TMEM74: variants seen among roughly 807,000 people sequenced by gnomAD.
TMEM74 encodes transmembrane protein 74.
Under a neutral mutation model 18.1 loss-of-function variants are expected in TMEM74, and 13 were observed. The observed-to-expected ratio is 0.72, with a 90% confidence interval of 0.47 to 1.14. The LOEUF (loss-of-function observed/expected upper bound fraction) is 1.14. Among genes scored for constraint, TMEM74 ranks in the 50% most tolerant of loss-of-function variants. The pLI is 0.00. For missense variants in TMEM74, 372 were observed against 375.9 expected (o/e 0.99, Z 0.09); for synonymous variants, 159 against 146.6 (o/e 1.08, Z -0.61).
Position 108,687,846 on chromosome 8 carries a change from C to T in TMEM74, n.120-32409G>A, listed in dbSNP as rs965639632. Among the ~76,000 whole-genome samples, 6 of 151,688 alleles carry T rather than the reference C, an allele frequency of 4.0e-5. 1 individual carries two copies. The highest frequency in any genetic ancestry group is 7.4e-5 in the Non-Finnish European group (5 of 67,992). On this transcript the variant is annotated intron_variant and non_coding_transcript_variant, in intron 1 of 3. Transcript: ENST00000518838. ...ATACAGATGAAGCTTTGCTCGCTCA[C>T]CCACCACTCACCTCCTGCTGTGTGG...
chr8:108,652,203 C>T (rs1812781863), intron 2 of TMEM74, among the ~76,000 whole-genome samples: 1 of 152,090 alleles, frequency 6.6e-6, no homozygotes, highest in Non-Finnish European at 1.5e-5. Flanking sequence ...TAAAAGTATC[C>T]ATCAATATAT....
At chr8:108,715,130 T>C (rs903892040) in intron 1 of TMEM74, among the ~76,000 whole-genome samples, 2 of 152,202 alleles carry the variant, frequency 1.3e-5, no homozygotes, top group African/African-American at 2.4e-5. Context: ...TTAATTTTCT[T>C]TTTTAAATAT....
At chr8:108,690,163 G>T in intron 1 of TMEM74, among the ~76,000 whole-genome samples, 1 of 152,012 alleles carries the variant, frequency 6.6e-6, no homozygotes, top group East Asian at 1.9e-4. Context: ...GATTTTAAAA[G>T]TCAGAGCCAG....
chr8:108,670,756 T>C (rs1812997032), intron 1 of TMEM74, among the ~76,000 whole-genome samples: 1 of 152,046 alleles, frequency 6.6e-6, no homozygotes. Flanking sequence ...TTTCATCCCA[T>C]GTTCACCGTA....
intron 2 of TMEM74, among the ~76,000 whole-genome samples, chr8:108,644,597 A>G (rs1192945569): frequency 6.6e-6 from 1 of 152,174 alleles, no homozygotes; most frequent in Non-Finnish European, 1.5e-5. Context: ...TTTGCAAACT[A>G]TGCATCTGAC....
intron 2 of TMEM74, among the ~76,000 whole-genome samples, chr8:108,629,663 G>A (rs1563735894): frequency 1.3e-5 from 2 of 152,046 alleles, no homozygotes; most frequent in Non-Finnish European, 2.9e-5. Context: ...AGTCAGAAGA[G>A]AGTGGGGGCC....
chr8:108,617,438 C>T (rs554801371), intron 2 of TMEM74, among the ~76,000 whole-genome samples: 19 of 152,202 alleles, frequency 1.2e-4, no homozygotes, highest in Admixed American at 1.2e-3. Flanking sequence ...ATTGCAGATG[C>T]TTTTGATTCT....
intron 1 of TMEM74, among the ~76,000 whole-genome samples, chr8:108,705,266 G>C (rs1039351536): frequency 5.9e-5 from 9 of 152,186 alleles, no homozygotes; most frequent in Non-Finnish European, 1.2e-4. Flanking sequence ...GGAAGTCAAC[G>C]AACTTGATGC....
intron 2 of TMEM74, among the ~76,000 whole-genome samples, chr8:108,609,476 C>A (rs553236574): frequency 3.9e-4 from 59 of 152,170 alleles, no homozygotes; most frequent in African/African-American, 1.4e-3. Flanking sequence ...GGTGAAACCC[C>A]ATTTCTACTA....
intron 2 of TMEM74, among the ~76,000 whole-genome samples, chr8:108,650,411 ACTAT>A (rs1295431611): frequency 4.6e-5 from 7 of 152,130 alleles, no homozygotes; most frequent in African/African-American, 7.2e-5. Context: ...TCTGTCCCAA[ACTAT>A]CTATTGTGTT....
At chr8:108,694,265 G>A (rs1166284411) in intron 1 of TMEM74, among the ~76,000 whole-genome samples, 1 of 152,114 alleles carries the variant, frequency 6.6e-6, no homozygotes, top group Non-Finnish European at 1.5e-5. Flanking sequence ...GCAACCCAAT[G>A]TCTATCAATA....
intron 1 of TMEM74, among the ~76,000 whole-genome samples, chr8:108,695,125 C>T (rs10955495): frequency 0.16 from 24,909 of 152,116 alleles, 2,460 homozygotes; most frequent in East Asian, 0.3. Flanking sequence ...AGGTCAGCAC[C>T]AGCTGGCATG....
chr8:108,688,053 T>C (rs1813189091), intron 1 of TMEM74, among the ~76,000 whole-genome samples: 1 of 152,184 alleles, frequency 6.6e-6, no homozygotes, highest in African/African-American at 2.4e-5. Flanking sequence ...TTTCAAAATG[T>C]GCTTAAGTTC....
chr8:108,743,814 C>G (rs1217705276), intron 1 of TMEM74, among the ~76,000 whole-genome samples: 1 of 152,164 alleles, frequency 6.6e-6, no homozygotes, highest in African/African-American at 2.4e-5. Flanking sequence ...CATCCTCCCC[C>G]TCTCCTCCAC....
At chr8:108,755,065 C>T (rs1040553009) in intron 1 of TMEM74, among the ~76,000 whole-genome samples, 2 of 152,030 alleles carry the variant, frequency 1.3e-5, no homozygotes, top group African/African-American at 4.8e-5. Flanking sequence ...AATGTTTAGC[C>T]AAAATATCTG....
chr8:108,717,145 C>G (rs887200089), intron 1 of TMEM74, among the ~76,000 whole-genome samples: 2 of 151,846 alleles, frequency 1.3e-5, no homozygotes, highest in African/African-American at 4.8e-5. Flanking sequence ...ATCAACGTTA[C>G]TTATATTTAA....
intron 1 of TMEM74, among the ~76,000 whole-genome samples, chr8:108,752,915 A>C (rs564562310): frequency 6.6e-6 from 1 of 152,198 alleles, no homozygotes; most frequent in African/African-American, 2.4e-5. Flanking sequence ...AAATCCTATA[A>C]GTGAGCAGCT....
chr8:108,692,902 TGTG>T, intron 1 of TMEM74, among the ~76,000 whole-genome samples: 1 of 152,108 alleles, frequency 6.6e-6, no homozygotes, highest in Non-Finnish European at 1.5e-5. Context: ...GGAAAATACC[TGTG>T]AACTAGACAG....
intron 1 of TMEM74, among the ~76,000 whole-genome samples, chr8:108,766,875 T>C (rs3019892): frequency 6.6e-6 from 1 of 151,944 alleles, no homozygotes; most frequent in Non-Finnish European, 1.5e-5. Flanking sequence ...GCTGAAGAAG[T>C]TGGAGTGTGA....
Sources: allele counts gnomAD v4.1 joint callset (sites outside exome capture counted in the v4.1 genomes callset), GRCh38; gene constraint gnomAD v4.1.1; transcripts MANE v1.5; gene names NCBI Gene and HGNC (gene_info 2026-07-23, HGNC 2026-07-21).